Variants in CDH4 observed in about 807,000 individuals in gnomAD.
CDH4 encodes the protein cadherin 4.
In CDH4, 33 loss-of-function variants were observed where a neutral mutation model predicts 86.0. The ratio of observed to expected loss-of-function variants is 0.38; its 90% CI spans 0.29 to 0.51. CDH4 has a LOEUF of 0.51. CDH4 is among the 20% of genes least tolerant of loss of function. The probability of loss-of-function intolerance (pLI) is 0.86; values close to 1 mark genes in which losing one functional copy is unlikely to be tolerated. For missense variants in CDH4, 1,114 were observed against 1,307.4 expected (o/e 0.85, Z 2.28); for synonymous variants, 555 against 549.4 (o/e 1.01, Z -0.14).
chr20:61,710,798 G>A (rs770975493), intron 2 of CDH4, among the ~76,000 whole-genome samples: 1 of 152,196 alleles, frequency 6.6e-6, no homozygotes, highest in Non-Finnish European at 1.5e-5. Flanking sequence ...ACTTTCTGAG[G>A]CCCTACATGC....
chr20:61,814,124 C>T (rs532019361), intron 4 of CDH4, among the ~76,000 whole-genome samples: 68 of 152,360 alleles, frequency 4.5e-4, no homozygotes, highest in African/African-American at 1.6e-3. Flanking sequence ...CAGGTCCCCA[C>T]CTTCCTGCTG....
At chr20:61,637,895 C>T (rs1282816080) in intron 2 of CDH4, among the ~76,000 whole-genome samples, 2 of 152,042 alleles carry the variant, frequency 1.3e-5, no homozygotes, top group African/African-American at 4.8e-5. Context: ...GTGGTGGGTG[C>T]CTGAAAGCCC....
chr20:61,264,520 A>G (rs937504098), intron 2 of CDH4, among the ~76,000 whole-genome samples: 1 of 140,120 alleles, frequency 7.1e-6, no homozygotes, highest in South Asian at 2.4e-4. Flanking sequence ...ATTCGGTCCT[A>G]CACATACCCC....
chr20:61,773,243 C>G (rs892039761), intron 4 of CDH4, 61 bp downstream of exon 4: 1 of 1,431,820 alleles, frequency 7.0e-7, no homozygotes, highest in Non-Finnish European at 9.3e-7. Flanking sequence ...GCTCTTCTCC[C>G]GACATCCCAA....
At chr20:61,823,814 G>GA (rs1981180051) in intron 4 of CDH4, among the ~76,000 whole-genome samples, 2 of 152,290 alleles carry the variant, frequency 1.3e-5, no homozygotes, top group Admixed American at 6.5e-5. Flanking sequence ...ACATTATTTA[G>GA]AAAATAACAC....
intron 4 of CDH4, among the ~76,000 whole-genome samples, chr20:61,803,051 C>T (rs555594550): frequency 6.6e-6 from 1 of 152,226 alleles, no homozygotes; most frequent in African/African-American, 2.4e-5. Context: ...GGACAGCGCT[C>T]CCCTCCTTCC....
Position 61,284,351 on chromosome 20 carries a change from T to G in CDH4, c.169+29414T>G, listed in dbSNP as rs528497751. Among the ~76,000 whole-genome samples, 77 of 152,270 alleles carry G rather than the reference T, an allele frequency of 5.1e-4. 1 individual carries two copies. Among genetic ancestry groups the G allele is most frequent in the African/African-American group, 1.6e-3 (68 of 41,558 alleles). ...TGCTTAGCTTTCCTCCTTTCTTTTTTTGTGCATCACGTTTGTGTTTGCGTT... is the reference window on the plus strand; with the variant it reads ...TGCTTAGCTTTCCTCCTTTCTTTTTGTGTGCATCACGTTTGTGTTTGCGTT... On this transcript the variant is annotated intron_variant, in intron 2 of 15. Coordinates refer to ENST00000614565, the MANE Select transcript of CDH4 (RefSeq NM_001794.5).
chr20:61,768,153 T>G (rs2088722472), intron 3 of CDH4, among the ~76,000 whole-genome samples: 1 of 152,200 alleles, frequency 6.6e-6, no homozygotes, highest in Non-Finnish European at 1.5e-5. Context: ...ATCTTGCTGC[T>G]GGGCTGTTGG....
intron 2 of CDH4, among the ~76,000 whole-genome samples, chr20:61,334,401 C>T (rs1041680539): frequency 6.6e-5 from 10 of 152,154 alleles, no homozygotes; most frequent in African/African-American, 2.2e-4. Context: ...TGGTGCAGTG[C>T]GTCTGGTCTC....
intron 2 of CDH4, among the ~76,000 whole-genome samples, chr20:61,575,015 C>T (rs960584215): frequency 1.3e-5 from 2 of 152,200 alleles, no homozygotes; most frequent in African/African-American, 2.4e-5. Flanking sequence ...TGGGAAGGTG[C>T]GGCACAGGGT....
In CDH4 at chr20:61,393,884, G is replaced by A. The variant is rs376246903; in HGVS notation, c.169+138947G>A. Reference sequence around the variant, plus strand: ...CTCTTCTGTAAAATGGGTCTGTAACGCCCCTGGAAAAGAGTGTGCACTTAA... The same window carrying A: ...CTCTTCTGTAAAATGGGTCTGTAACACCCCTGGAAAAGAGTGTGCACTTAA... On this transcript the variant is annotated intron_variant, in intron 2 of 15. Coordinates refer to ENST00000614565, the MANE Select transcript of CDH4 (RefSeq NM_001794.5). This position sits in a 1 kb window ranked among gnomAD's most constrained non-coding sequence, Gnocchi z 4.3. Among the ~76,000 whole-genome samples, 89 of 151,852 alleles carry A rather than the reference G, an allele frequency of 5.9e-4. No homozygotes were observed. Among genetic ancestry groups the A allele is most frequent in the Middle Eastern group, 3.4e-3 (1 of 294 alleles).
At chr20:61,482,018 G>A (rs1278432343) in intron 2 of CDH4, among the ~76,000 whole-genome samples, 1 of 152,114 alleles carries the variant, frequency 6.6e-6, no homozygotes, top group Non-Finnish European at 1.5e-5. Flanking sequence ...CTGATCCCGT[G>A]CAAAAGGTCT....
chr20:61,356,493 C>T (rs1236407280), intron 2 of CDH4, among the ~76,000 whole-genome samples: 1 of 152,162 alleles, frequency 6.6e-6, no homozygotes, highest in African/African-American at 2.4e-5. Flanking sequence ...GCTTTTATCT[C>T]CTCACCATTA....
chr20:61,540,213 A>G (rs1370372340), intron 2 of CDH4, among the ~76,000 whole-genome samples: 2 of 152,194 alleles, frequency 1.3e-5, no homozygotes, highest in Non-Finnish European at 2.9e-5. Context: ...TCTTGATCCA[A>G]TTTTAGAAAC....
At chr20:61,569,672 C>T (rs897238839) in intron 2 of CDH4, among the ~76,000 whole-genome samples, 3 of 152,298 alleles carry the variant, frequency 2.0e-5, no homozygotes, top group Non-Finnish European at 4.4e-5. Flanking sequence ...GTTTTGCCAA[C>T]TGCCCCCCAA....
At chr20:61,301,448 C>T (rs1487271538) in intron 2 of CDH4, among the ~76,000 whole-genome samples, 1 of 152,204 alleles carries the variant, frequency 6.6e-6, no homozygotes, top group Non-Finnish European at 1.5e-5. Context: ...ATTTTGCTGA[C>T]ATTTGGGGCA....
intron 2 of CDH4, among the ~76,000 whole-genome samples, chr20:61,526,225 C>T (rs1264659329): frequency 6.6e-6 from 1 of 151,798 alleles, no homozygotes; most frequent in African/African-American, 2.4e-5. Flanking sequence ...CAGGCAGAAG[C>T]AGGAGGATTC....
chr20:61,335,517 G>T (rs535849871), intron 2 of CDH4, among the ~76,000 whole-genome samples: 2 of 152,342 alleles, frequency 1.3e-5, no homozygotes, highest in East Asian at 3.9e-4. Flanking sequence ...GGGAGCCCCA[G>T]TGGGACCCTA....
intron 4 of CDH4, among the ~76,000 whole-genome samples, chr20:61,795,517 G>A (rs1418187329): frequency 6.6e-6 from 1 of 152,172 alleles, no homozygotes; most frequent in Non-Finnish European, 1.5e-5. Flanking sequence ...CCCCCAGGAC[G>A]ACACATACGT....
Sources: gnomAD v4.1 joint callset for allele counts (sites outside exome capture counted in the v4.1 genomes callset) on GRCh38, gnomAD v4.1.1 for gene constraint, Gnocchi (gnomAD v3.1) non-coding constraint, MANE v1.5 for transcripts, NCBI Gene and HGNC (gene_info 2026-07-23, HGNC 2026-07-21) for gene names.